The following CDK13 variants were observed in gnomAD, a reference collection of about 807,000 sequenced individuals.
CDK13 encodes cyclin-dependent kinase 13.
In CDK13, 40 loss-of-function variants were observed where a neutral mutation model predicts 137.6. The observed-to-expected ratio is 0.29, with a 90% CI of 0.23 to 0.38. The LOEUF (loss-of-function observed/expected upper bound fraction) is 0.38, where lower values mean the gene tolerates loss of function less well. CDK13 is among the 10% of genes least tolerant of loss of function. The probability of loss-of-function intolerance (pLI) is 1.00; values close to 1 mark genes in which losing one functional copy is unlikely to be tolerated. For synonymous variants in CDK13, 869 were observed against 760.1 expected (o/e 1.14, Z -2.36); for missense variants, 1,704 against 1,951.8 (o/e 0.87, Z 2.39).
At chr7:40,019,268 A>C (rs1785065207) in intron 5 of CDK13, among the ~76,000 whole-genome samples, 1 of 152,232 alleles carries the variant, frequency 6.6e-6, no homozygotes. Flanking sequence ...AAATATGTGC[A>C]GCTTATTATT....
At chr7:39,988,957 G>A (rs1350984989) in intron 2 of CDK13, among the ~76,000 whole-genome samples, 2 of 151,624 alleles carry the variant, frequency 1.3e-5, no homozygotes, top group Non-Finnish European at 2.9e-5. Flanking sequence ...AGTGGCAGGT[G>A]CCTGTAATCC....
chr7:40,086,601 G>T (rs937820155), intron 11 of CDK13, among the ~76,000 whole-genome samples: 6 of 152,132 alleles, frequency 3.9e-5, no homozygotes, highest in African/African-American at 1.2e-4. Context: ...CTTTAAGATA[G>T]AATTGACTAG....
At chr7:40,025,459 T>A (rs993232343) in intron 5 of CDK13, among the ~76,000 whole-genome samples, 2 of 152,160 alleles carry the variant, frequency 1.3e-5, no homozygotes, top group Non-Finnish European at 2.9e-5. Flanking sequence ...AACTTGTAGT[T>A]TTTTGATCCA....
rs1342978103 is a variant in CDK13, at chr7:40,099,379, G to A, written c.*4399G>A. 6.6e-6 allele frequency: 1 copy of A among 152,098 alleles called. No homozygotes were observed. Among genetic ancestry groups the A allele is most frequent in the African/African-American group, 2.4e-5 (1 of 41,424 alleles). 9.4% of individuals were successfully genotyped at this position (152,098 alleles called of 1,614,324 possible). The stretch of plus-strand genomic sequence containing the variant: ...AATTTTCTAATTGTATTCAAATGAG[G>A]CTCTATAGTGAATACAGAATCACTC... On this transcript the variant is annotated 3_prime_UTR_variant, in exon 14 of 14. Coordinates refer to ENST00000181839, the MANE Select transcript of CDK13 (RefSeq NM_003718.5).
intron 11 of CDK13, among the ~76,000 whole-genome samples, chr7:40,082,790 CAAAAAA>C (rs76440638): frequency 1.6e-5 from 1 of 61,136 alleles, no homozygotes. Flanking sequence ...GACTCTGCCT[CAAAAAA>C]AAAAAAAAAA....
At chr7:39,976,735 A>G (rs1784120193) in intron 1 of CDK13, among the ~76,000 whole-genome samples, 1 of 152,204 alleles carries the variant, frequency 6.6e-6, no homozygotes, top group Non-Finnish European at 1.5e-5. Context: ...ATAATAAAAT[A>G]GAACAATTAT....
At chr7:39,961,951 A>G (rs1282926575) in intron 1 of CDK13, among the ~76,000 whole-genome samples, 1 of 152,148 alleles carries the variant, frequency 6.6e-6, no homozygotes, top group African/African-American at 2.4e-5. Context: ...CCATATCCCT[A>G]CAAAGGACAT....
In CDK13 at chr7:40,092,840, CCTA is replaced by C; in HGVS notation, c.3296_3298del (p.Leu1099del). On this transcript the variant is annotated inframe_deletion, in exon 13 of 14. Transcript: ENST00000181839. Reference sequence around the variant, plus strand: ...ACAGTGAATTGGCAATTCTACTAAACCTACTACAATCTAAAACAAGTGTTAATA... The same window carrying C: ...ACAGTGAATTGGCAATTCTACTAAACCTACAATCTAAAACAAGTGTTAATA... 6.2e-7 allele frequency: 1 copy of C among 1,614,116 alleles called. No individual in the cohort carries two copies. The highest frequency in any genetic ancestry group is 8.5e-7 in the Non-Finnish European group (1 of 1,180,014).
intron 11 of CDK13, among the ~76,000 whole-genome samples, chr7:40,085,112 G>C (rs1436120498): frequency 6.6e-6 from 1 of 152,158 alleles, no homozygotes; most frequent in African/African-American, 2.4e-5. Context: ...TGTAATCCCA[G>C]CACTTTGGGA....
At chr7:40,043,898 ATTTTTTT>A (rs3045302) in intron 5 of CDK13, among the ~76,000 whole-genome samples, 1 of 137,736 alleles carries the variant, frequency 7.3e-6, no homozygotes, top group Non-Finnish European at 1.5e-5. Flanking sequence ...ATTTTGTATA[ATTTTTTT>A]TTTTTTTTTG....
At chr7:40,047,654 C>A (rs1352864413) in intron 6 of CDK13, among the ~76,000 whole-genome samples, 167 bp from the exon 7 acceptor site, 3 of 151,204 alleles carry the variant, frequency 2.0e-5, no homozygotes, top group Admixed American at 1.3e-4. Context: ...TGAATTTATC[C>A]ACTACTTGCC....
At chr7:39,978,834 C>G (rs1249000157) in intron 1 of CDK13, among the ~76,000 whole-genome samples, 1 of 152,152 alleles carries the variant, frequency 6.6e-6, no homozygotes, top group South Asian at 2.1e-4. Flanking sequence ...GAGATTGATG[C>G]ATTATAGGGG....
At chr7:39,991,378 A>G (rs2116283592) in intron 2 of CDK13, among the ~76,000 whole-genome samples, 1 of 152,228 alleles carries the variant, frequency 6.6e-6, no homozygotes, top group South Asian at 2.1e-4. Context: ...GCATAATCTC[A>G]TTGCTGTATC....
At chr7:40,053,624 C>T (rs1297328412) in intron 7 of CDK13, among the ~76,000 whole-genome samples, 1 of 152,074 alleles carries the variant, frequency 6.6e-6, no homozygotes, top group Non-Finnish European at 1.5e-5. Context: ...AATTCAGGCC[C>T]TACCGCCTTT....
At chr7:40,078,667 C>G in intron 10 of CDK13, 53 bp from the exon 11 acceptor site, 1 of 1,201,496 alleles carries the variant, frequency 8.3e-7, no homozygotes, top group Non-Finnish European at 1.1e-6. Flanking sequence ...CCTAAAGAAA[C>G]ATAAGCTTGT....
chr7:40,001,090 G>A (rs953616903), intron 4 of CDK13, among the ~76,000 whole-genome samples: 3 of 151,982 alleles, frequency 2.0e-5, no homozygotes, highest in Non-Finnish European at 4.4e-5. Context: ...TTTTTTCACT[G>A]ATAGAGTTTT....
chr7:39,991,484 AGTGT>A (rs66520870), intron 2 of CDK13, among the ~76,000 whole-genome samples: 20,010 of 143,546 alleles, frequency 0.14, 1,612 homozygotes, highest in East Asian at 0.33. Flanking sequence ...CATTAGCAAA[AGTGT>A]GTGTGTGTGT....
rs953350225 is a variant in CDK13 at position 40,099,300 on chromosome 7, CAG to C, written c.*4323_*4324del. 2 of 152,104 alleles carry C rather than the reference CAG, an allele frequency of 1.3e-5. No homozygotes were observed. The highest frequency in any genetic ancestry group is 4.8e-5 in the African/African-American group (2 of 41,434). The allele number at this position is 152,104 out of a possible 1,614,324, so 9.4% of individuals were successfully genotyped here. ...TTATCCTTTTAATTTTATGGACTAACAGAGTCTGCAGGTCTTAACTCATTTCA... is the reference window on the plus strand; with the variant it reads ...TTATCCTTTTAATTTTATGGACTAACAGTCTGCAGGTCTTAACTCATTTCA... On this transcript the variant is annotated 3_prime_UTR_variant, in exon 14 of 14. Coordinates refer to ENST00000181839, the MANE Select transcript of CDK13 (RefSeq NM_003718.5).
chr7:39,969,241 A>G (rs1176732060), intron 1 of CDK13, among the ~76,000 whole-genome samples: 1 of 152,004 alleles, frequency 6.6e-6, no homozygotes, highest in East Asian at 1.9e-4. Context: ...CGAACTCCTC[A>G]CCTCAGGTGA....
Sources: gnomAD v4.1 joint callset for allele counts (sites outside exome capture counted in the v4.1 genomes callset) on GRCh38, gnomAD v4.1.1 for gene constraint, MANE v1.5 for transcripts, NCBI Gene and HGNC (gene_info 2026-07-23, HGNC 2026-07-21) for gene names.